Variants in SLC9A9 observed in about 807,000 individuals in gnomAD.
SLC9A9 encodes the protein solute carrier family 9 member A9, also known as sodium/hydrogen exchanger 9.
SLC9A9 carries 62 observed loss-of-function variants against 77.8 expected under a neutral mutation model. The observed-to-expected ratio is 0.80, with a 90% CI of 0.65 to 0.98. SLC9A9 has a LOEUF of 0.98. Among genes scored for constraint, SLC9A9 ranks in the 50% least tolerant of loss-of-function variants. The pLI is 0.00. For synonymous variants in SLC9A9, 320 were observed against 283.5 expected (o/e 1.13, Z -1.29); for missense variants, 775 against 774.9 (o/e 1.00, Z 0.00).
chr3:143,443,524 C>A (rs1365030082), intron 12 of SLC9A9, among the ~76,000 whole-genome samples: 1 of 152,116 alleles, frequency 6.6e-6, no homozygotes, highest in Non-Finnish European at 1.5e-5. Flanking sequence ...AATAAATCCA[C>A]AGGTAAGGGA....
intron 9 of SLC9A9, among the ~76,000 whole-genome samples, chr3:143,538,722 TATA>T (rs1424336832): frequency 6.6e-6 from 1 of 152,146 alleles, no homozygotes; most frequent in African/African-American, 2.4e-5. Context: ...GCCCCCATAC[TATA>T]ATCAGAGCAA....
intron 12 of SLC9A9, among the ~76,000 whole-genome samples, chr3:143,411,759 C>T (rs1435087947): frequency 4.0e-4 from 61 of 152,132 alleles, no homozygotes; most frequent in Admixed American, 4.0e-3. Context: ...TACAAGAGTC[C>T]TCTTAAGCTG....
chr3:143,572,326 CGT>C (rs984714751), intron 8 of SLC9A9, among the ~76,000 whole-genome samples: 22 of 149,606 alleles, frequency 1.5e-4, no homozygotes, highest in East Asian at 9.7e-4. Context: ...TGTGTGTGCG[CGT>C]GTGTTTATTA....
At chr3:143,699,266 C>T (rs545884226) in intron 4 of SLC9A9, among the ~76,000 whole-genome samples, 33 of 152,108 alleles carry the variant, frequency 2.2e-4, no homozygotes, top group South Asian at 1.4e-3. Context: ...TAGAGCAAGA[C>T]GGTAGAACAG....
intron 12 of SLC9A9, among the ~76,000 whole-genome samples, chr3:143,439,934 C>T (rs996305155): frequency 5.3e-5 from 8 of 152,196 alleles, no homozygotes; most frequent in African/African-American, 1.9e-4. Context: ...AAGCCCTCAG[C>T]AGTTTTATTG....
intron 13 of SLC9A9, among the ~76,000 whole-genome samples, chr3:143,366,131 T>C (rs572072562): frequency 6.6e-6 from 1 of 152,192 alleles, no homozygotes; most frequent in Non-Finnish European, 1.5e-5. Context: ...ATACTGGCAA[T>C]CAGGGGCCGG....
chr3:143,620,031 T>C (rs2038174813), intron 6 of SLC9A9, among the ~76,000 whole-genome samples: 1 of 152,194 alleles, frequency 6.6e-6, no homozygotes, highest in African/African-American at 2.4e-5. Flanking sequence ...AGCTGTATCT[T>C]AGCCACAGAA....
chr3:143,569,715 GAAC>G (rs1559972118), intron 8 of SLC9A9, among the ~76,000 whole-genome samples: 4 of 151,198 alleles, frequency 2.6e-5, no homozygotes. Context: ...TTACCCAAAC[GAAC>G]AAAACAGAAC....
chr3:143,558,347 A>G (rs2037023808), intron 8 of SLC9A9, among the ~76,000 whole-genome samples: 1 of 152,114 alleles, frequency 6.6e-6, no homozygotes, highest in African/African-American at 2.4e-5. Flanking sequence ...TAGGAAGAGG[A>G]CCACTGTCCT....
At chr3:143,789,193 C>T (rs1355332753) in intron 4 of SLC9A9, among the ~76,000 whole-genome samples, 2 of 152,130 alleles carry the variant, frequency 1.3e-5, no homozygotes, top group African/African-American at 2.4e-5. Flanking sequence ...ATGGTAAAAT[C>T]ATAGCATGCA....
At chr3:143,475,665 G>A (rs2035463726) in intron 11 of SLC9A9, among the ~76,000 whole-genome samples, 1 of 152,006 alleles carries the variant, frequency 6.6e-6, no homozygotes, top group African/African-American at 2.4e-5. Context: ...GGTGGTGAAT[G>A]CCTGTAGTCC....
intron 6 of SLC9A9, among the ~76,000 whole-genome samples, chr3:143,625,709 A>G (rs1197615128): frequency 6.6e-6 from 1 of 152,220 alleles, no homozygotes; most frequent in African/African-American, 2.4e-5. Context: ...GCATGGGCAA[A>G]GACTTCATGT....
chr3:143,514,267 T>G (rs890803802), intron 9 of SLC9A9, among the ~76,000 whole-genome samples: 1 of 151,898 alleles, frequency 6.6e-6, no homozygotes, highest in Admixed American at 6.6e-5. Context: ...AAACAAACCA[T>G]GCTGTAAACA....
At chr3:143,811,854 C>A (rs1254902436) in intron 2 of SLC9A9, 9 of 300,000 alleles carry the variant, frequency 3.0e-5, no homozygotes, top group Non-Finnish European at 5.8e-5. Flanking sequence ...AGAGAGAGAT[C>A]TTGTCTAAAA....
rs569610102 is a variant in SLC9A9 at position 143,794,761 on chromosome 3, T to C, written c.533+240A>G. ...CATAACTCAAGGCAAGTGATCCACA[T>C]TCCCTAAGTCAGAAGTCCAGAACTC... On this transcript the variant is annotated intron_variant, in intron 4 of 15. Transcript: ENST00000316549. Among the ~76,000 whole-genome samples, 6 of 152,312 alleles carry C rather than the reference T, an allele frequency of 3.9e-5. No homozygotes were observed. In the East Asian group the frequency reaches 1.2e-3, roughly 29 times the overall value.
intron 9 of SLC9A9, among the ~76,000 whole-genome samples, chr3:143,501,197 A>T (rs1057466692): frequency 6.6e-6 from 1 of 150,800 alleles, no homozygotes; most frequent in Non-Finnish European, 1.5e-5. Context: ...AATAAATTAT[A>T]GTATAATACA....
intron 4 of SLC9A9, among the ~76,000 whole-genome samples, chr3:143,763,242 G>C (rs1201767648): frequency 2.6e-5 from 4 of 152,124 alleles, no homozygotes; most frequent in African/African-American, 4.8e-5. Flanking sequence ...ACATGCATGA[G>C]AGTCAACCCA....
At chr3:143,794,944 T>C in intron 4 of SLC9A9, 57 bp downstream of exon 4, 1 of 1,471,948 alleles carries the variant, frequency 6.8e-7, no homozygotes, top group Non-Finnish European at 9.5e-7. Context: ...GTTAGATCCC[T>C]CACACAGATC....
At chr3:143,316,596 T>C (rs1189918679) in intron 14 of SLC9A9, among the ~76,000 whole-genome samples, 2 of 152,130 alleles carry the variant, frequency 1.3e-5, no homozygotes, top group Non-Finnish European at 2.9e-5. Flanking sequence ...TGTATCACAA[T>C]GATGTTAAGA....
Sources: allele counts gnomAD v4.1 joint callset (sites outside exome capture counted in the v4.1 genomes callset), GRCh38; gene constraint gnomAD v4.1.1; transcripts MANE v1.5; gene names NCBI Gene and HGNC (gene_info 2026-07-23, HGNC 2026-07-21).